Variants in ZNF385D observed in about 807,000 individuals in gnomAD.
The protein encoded by ZNF385D is zinc finger protein 385D, also known as zinc finger protein 659.
ZNF385D carries 15 observed loss-of-function variants against 35.8 expected under a neutral mutation model. That is an observed-to-expected ratio of 0.42 (90% confidence interval 0.28 to 0.64). ZNF385D has a LOEUF of 0.64. Among genes scored for constraint, ZNF385D ranks in the 30% least tolerant of loss-of-function variants. ZNF385D has a pLI of 0.23. For missense variants in ZNF385D, 474 were observed against 494.6 expected, an observed-to-expected ratio of 0.96 and a Z score of 0.39; for synonymous variants, 212 against 186.8, an observed-to-expected ratio of 1.13 and a Z score of -1.10.
Position 21,510,691 on chromosome 3 carries a change from T to C in ZNF385D, c.439+170A>G, listed in dbSNP as rs899677477. ...GGAATATAATTAGTGATTATCTTAA[T>C]CTTGCAGGGGTTTGGAAAAATGAGA... On this transcript the variant is annotated intron_variant, in intron 4 of 7. Transcript: ENST00000281523. Among the ~76,000 whole-genome samples the C allele has an allele frequency of 2.0e-5, 3 of 152,202 alleles. No individual in the cohort carries two copies. The highest frequency in any genetic ancestry group is 2.9e-5 in the Non-Finnish European group (2 of 68,048).
At chr3:22,225,032 C>G (rs1274177542) in intron 2 of ZNF385D, among the ~76,000 whole-genome samples, 1 of 152,130 alleles carries the variant, frequency 6.6e-6, no homozygotes, top group Non-Finnish European at 1.5e-5. Flanking sequence ...TCTGATAAAT[C>G]TCTAATTATA....
chr3:21,729,796 A>G (rs2068914996), intron 1 of ZNF385D, among the ~76,000 whole-genome samples: 1 of 152,200 alleles, frequency 6.6e-6, no homozygotes, highest in Non-Finnish European at 1.5e-5. Flanking sequence ...CTACAGTTCT[A>G]ACTCAGCTCC....
At chr3:21,582,944 AT>A (rs2063710451) in intron 2 of ZNF385D, among the ~76,000 whole-genome samples, 2 of 151,984 alleles carry the variant, frequency 1.3e-5, no homozygotes, top group South Asian at 4.2e-4. Flanking sequence ...CGCCCAGCTA[AT>A]TTTTGTATTT....
chr3:21,534,011 C>G (rs928768679), intron 3 of ZNF385D, among the ~76,000 whole-genome samples: 1 of 152,008 alleles, frequency 6.6e-6, no homozygotes, highest in Non-Finnish European at 1.5e-5. Flanking sequence ...AAAATTAACA[C>G]TGAATACTTA....
At chr3:21,955,032 T>C (rs376938774) in intron 3 of ZNF385D, among the ~76,000 whole-genome samples, 7 of 152,318 alleles carry the variant, frequency 4.6e-5, no homozygotes, top group African/African-American at 1.7e-4. Flanking sequence ...TTAACTTTTA[T>C]TGTAAAAAGT....
chr3:21,657,159 C>T (rs1020924204), intron 2 of ZNF385D, among the ~76,000 whole-genome samples: 7 of 151,838 alleles, frequency 4.6e-5, no homozygotes, highest in African/African-American at 1.7e-4. Context: ...AGGATAGATA[C>T]AAAAGCCATT....
intron 3 of ZNF385D, among the ~76,000 whole-genome samples, chr3:21,764,391 T>C (rs1459879538): frequency 6.6e-6 from 1 of 152,146 alleles, no homozygotes; most frequent in Non-Finnish European, 1.5e-5. Context: ...GGATTCAAAA[T>C]GTAGAATGGT....
chr3:22,059,204 T>C (rs562790004), intron 3 of ZNF385D, among the ~76,000 whole-genome samples: 1 of 152,192 alleles, frequency 6.6e-6, no homozygotes, highest in Admixed American at 6.5e-5. Flanking sequence ...GGACTGAGCA[T>C]TAATTTAAAG....
chr3:22,116,530 A>G (rs565743543), intron 3 of ZNF385D, among the ~76,000 whole-genome samples: 1 of 152,238 alleles, frequency 6.6e-6, no homozygotes, highest in Admixed American at 6.6e-5. Context: ...AAAACAGAAA[A>G]AAGAGAAAAT....
chr3:22,253,495 C>T (rs568598544), intron 2 of ZNF385D, among the ~76,000 whole-genome samples: 1 of 152,068 alleles, frequency 6.6e-6, no homozygotes, highest in South Asian at 2.1e-4. Flanking sequence ...TCAATCAATA[C>T]ACTTTTAATA....
At chr3:21,822,850 G>GT (rs1184477493) in intron 3 of ZNF385D, among the ~76,000 whole-genome samples, 1 of 152,150 alleles carries the variant, frequency 6.6e-6, no homozygotes, top group South Asian at 2.1e-4. Context: ...GAATCTTACT[G>GT]TTATATAAAG....
At chr3:21,903,390 C>T (rs537414812) in intron 3 of ZNF385D, among the ~76,000 whole-genome samples, 51 of 152,272 alleles carry the variant, frequency 3.3e-4, no homozygotes, top group Middle Eastern at 3.4e-3. Context: ...GTGACCCTAA[C>T]TCTATTGTGT....
At chr3:22,128,204 C>T (rs559626623) in intron 3 of ZNF385D, among the ~76,000 whole-genome samples, 2 of 152,122 alleles carry the variant, frequency 1.3e-5, no homozygotes, top group African/African-American at 2.4e-5. Context: ...GTATATCATG[C>T]CACTCCCTCC....
intron 4 of ZNF385D, among the ~76,000 whole-genome samples, chr3:21,455,967 C>G (rs971527915): frequency 1.3e-5 from 2 of 152,044 alleles, no homozygotes; most frequent in African/African-American, 2.4e-5. Context: ...TTTATGCAGC[C>G]AAAAGACACA....
chr3:21,862,495 G>C (rs1410180029), intron 3 of ZNF385D, among the ~76,000 whole-genome samples: 2 of 152,086 alleles, frequency 1.3e-5, no homozygotes, highest in African/African-American at 4.8e-5. Flanking sequence ...CCTGGCCATG[G>C]ATTTGCCAAA....
intron 2 of ZNF385D, among the ~76,000 whole-genome samples, chr3:22,312,825 A>T (rs1243367718): frequency 6.9e-5 from 10 of 144,182 alleles, no homozygotes; most frequent in Non-Finnish European, 1.5e-4. Context: ...TAGTTCAACC[A>T]TTGTGGAAGT....
At chr3:21,998,759 T>A (rs998546469) in intron 3 of ZNF385D, among the ~76,000 whole-genome samples, 3 of 152,240 alleles carry the variant, frequency 2.0e-5, no homozygotes, top group Non-Finnish European at 4.4e-5. Context: ...TGTATTTCAA[T>A]ACTTCAGTTA....
At chr3:21,743,223 G>A (rs865936082) in intron 1 of ZNF385D, among the ~76,000 whole-genome samples, 78 of 152,166 alleles carry the variant, frequency 5.1e-4, no homozygotes, top group African/African-American at 1.5e-3. Flanking sequence ...TGGTAGAGAT[G>A]GGGTCACTGT....
At chr3:22,045,422 G>A (rs1179420709) in intron 3 of ZNF385D, among the ~76,000 whole-genome samples, 2 of 152,172 alleles carry the variant, frequency 1.3e-5, no homozygotes, top group Non-Finnish European at 2.9e-5. Context: ...AACTGAAGAA[G>A]AGAGGCTGGT....
Sources: gnomAD v4.1 joint callset for allele counts (sites outside exome capture counted in the v4.1 genomes callset) on GRCh38, gnomAD v4.1.1 for gene constraint, MANE v1.5 for transcripts, NCBI Gene and HGNC (gene_info 2026-07-23, HGNC 2026-07-21) for gene names.